The following RHBDF1 variants were observed in gnomAD, a reference collection of about 807,000 sequenced individuals.
RHBDF1 encodes inactive rhomboid protein 1.
RHBDF1 carries 80 observed loss-of-function variants against 98.6 expected under a neutral mutation model. The observed-to-expected ratio is 0.81, with a 90% CI of 0.68 to 0.98. The LOEUF (loss-of-function observed/expected upper bound fraction) is 0.98. Ranked by LOEUF, RHBDF1 falls within the 50% of genes least tolerant of loss-of-function variation. The pLI is 0.00. For missense variants in RHBDF1, 1,116 were observed against 1,198.3 expected, an observed-to-expected ratio of 0.93 and a Z score of 1.01; for synonymous variants, 512 against 486.8, an observed-to-expected ratio of 1.05 and a Z score of -0.68.
rs142110444 is a variant in RHBDF1 at position 62,893 on chromosome 16, C to A, written c.677G>T (p.Arg226Leu). The change falls in exon 6 of 18, where the codon CGC becomes CTC. Residue 226 changes from arginine to leucine, a missense_variant. Transcript: ENST00000262316. ...GCGAAAGGTGCCATCCCTAACGGAG[C>A]GGCCCTGGGGACGGGGAAGTGAGCA... The part of the protein sequence containing the change: ...FRAAAALMKG[R>L]SVRDGTFRRA... 6 of 1,613,606 alleles carry A rather than the reference C, an allele frequency of 3.7e-6. No homozygotes were observed. Among genetic ancestry groups the A allele is most frequent in the Admixed American group, 1.7e-5 (1 of 60,014 alleles).
chr16:70,091 G>C (rs1897933129), intron 1 of RHBDF1, among the ~76,000 whole-genome samples: 1 of 152,196 alleles, frequency 6.6e-6, no homozygotes, highest in Admixed American at 6.5e-5. Flanking sequence ...ACTCAGTTGG[G>C]TCTGACAGGG....
At position 62,060 on chromosome 16, in the gene RHBDF1, G is replaced by C; in HGVS notation, c.954-8C>G. 3 of 1,450,422 alleles carry C rather than the reference G, an allele frequency of 2.1e-6. No individual in the cohort carries two copies. The highest frequency in any genetic ancestry group is 2.7e-6 in the Non-Finnish European group (3 of 1,105,716). 89.8% of individuals were successfully genotyped at this position (1,450,422 alleles called of 1,614,324 possible). A position where few individuals can be genotyped will look rare whatever the true frequency, so the allele number is the denominator to read the frequency against. ...CAGCCTCGCTCCAAGGGCCTGGAGG[G>C]AGCCGGCATTCACCTCCCGCCCCAG... is the stretch of plus-strand genomic sequence containing the variant. On this transcript the variant is annotated splice_polypyrimidine_tract_variant and splice_region_variant and intron_variant, in intron 7 of 17. Transcript: ENST00000262316.
Position 61,399 on chromosome 16 carries a change from T to C in RHBDF1, c.1381A>G (p.Ile461Val). 1.2e-6 allele frequency: 2 copies of C among 1,611,138 alleles called. No homozygotes were observed. Among genetic ancestry groups the C allele is most frequent in the Non-Finnish European group, 1.7e-6 (2 of 1,179,340 alleles). The change falls in exon 10 of 18, where the codon ATC (isoleucine) becomes GTC (valine). Residue 461 changes from isoleucine (I) to valine (V), a missense_variant. By Grantham distance (29) the Ile-to-Val change is conservative. Coordinates refer to ENST00000262316, the MANE Select transcript of RHBDF1 (RefSeq NM_022450.5). ...CCCGTCCTCACCGAGCTGGGCCCGATCCAGAAGTTCTCCTGCTGCACGTAC... is the reference window on the plus strand; with the variant it reads ...CCCGTCCTCACCGAGCTGGGCCCGACCCAGAAGTTCTCCTGCTGCACGTAC... ...VKYVQQENFW[I>V]GPSSEALIHL...
At chr16:65,138 C>A in intron 1 of RHBDF1, 99 bp from the exon 2 acceptor site, 1 of 1,282,932 alleles carries the variant, frequency 7.8e-7, no homozygotes, top group Non-Finnish European at 1.0e-6. Flanking sequence ...ATGAGCCCAA[C>A]CGTGGTGCTC....
At position 59,596 on chromosome 16, in the gene RHBDF1, A is replaced by G. The variant is rs1359556459; in HGVS notation, c.1818-102T>C. The G allele has an allele frequency of 2.7e-6, 4 of 1,475,530 alleles. No homozygotes were observed. The African/African-American group carries it at 5.6e-5, about 20-fold the overall frequency. 91.4% of individuals were successfully genotyped at this position (1,475,530 alleles called of 1,614,324 possible). A position where few individuals can be genotyped will look rare whatever the true frequency, so the allele number is the denominator to read the frequency against. On this transcript the variant is annotated intron_variant, in intron 14 of 17. Coordinates refer to ENST00000262316, the MANE Select transcript of RHBDF1 (RefSeq NM_022450.5). ...GCACCTACCCACCTTTGTTGGCCCC[A>G]AGGAAGTCCAGACCCCCTCTAACCC...
At chr16:74,913 C>T (rs1898056135), upstream of RHBDF1, 1 of 152,058 alleles carries the variant, frequency 6.6e-6, no homozygotes, top group Non-Finnish European at 1.5e-5. Flanking sequence ...CACCCCATCT[C>T]CCTTCCCTGA....
At chr16:60,935 G>A (rs556700717) in intron 11 of RHBDF1, 185 bp downstream of exon 11, 5 of 636,544 alleles carry the variant, frequency 7.9e-6, no homozygotes, top group South Asian at 2.0e-5. Context: ...GATGGTCTAC[G>A]GGGCGAGGAG....
At chr16:73,645 G>A (rs774956399), upstream of RHBDF1, among the ~76,000 whole-genome samples, 13 of 152,322 alleles carry the variant, frequency 8.5e-5, no homozygotes, top group East Asian at 5.8e-4. Context: ...GGTGGCCAAG[G>A]CTTCCTCTGG....
Position 63,728 on chromosome 16 carries a change from A to G in RHBDF1, c.321T>C (p.Arg107=), listed in dbSNP as rs758124355. The G allele has an allele frequency of 1.2e-6, 2 of 1,613,672 alleles. No individual in the cohort carries two copies. The highest frequency in any genetic ancestry group is 1.7e-6 in the Non-Finnish European group (2 of 1,179,952). Residue 107 remains arginine, a synonymous_variant, in exon 4 of 18, where the codon CGT becomes CGC. Transcript: ENST00000262316. ...GCTTCCCGTAGCGCTGGCTGCAGTG[A>G]CGGATGCTCTTGCGCTGCCATTTCT... ...STQKWQRKSI[R]HCSQRYGKLK... is the part of the protein sequence containing the mutation.
rs374246899 is a variant in RHBDF1, at chr16:70,015, G to A, written c.-25+2498C>T. On this transcript the variant is annotated intron_variant, in intron 1 of 17. Coordinates refer to ENST00000262316, the MANE Select transcript of RHBDF1 (RefSeq NM_022450.5). ...AAGGGGCCAGCACTTGGCAGGAGGG[G>A]GGGGGGCACTGCCCCAAGGCTCAGC... Among the ~76,000 whole-genome samples, 6 of 152,118 alleles carry A rather than the reference G, an allele frequency of 3.9e-5. No homozygotes were observed. In the South Asian group the frequency reaches 8.3e-4, roughly 21 times the overall value.
At chr16:75,341 A>AGGTACCCCAGAATCCTCT (rs1898066710), upstream of RHBDF1, among the ~76,000 whole-genome samples, 1 of 152,180 alleles carries the variant, frequency 6.6e-6, no homozygotes, top group Non-Finnish European at 1.5e-5. Flanking sequence ...TGTTCCCAAC[A>AGGTACCCCAGAATCCTCT]GCTACCCCAG....
intron 1 of RHBDF1, among the ~76,000 whole-genome samples, chr16:70,009 GGA>G (rs1491565338): frequency 0.061 from 3,232 of 53,140 alleles, 87 homozygotes; most frequent in Non-Finnish European, 0.11. Flanking sequence ...GCACTTGGCA[GGA>G]GGGGGGGGGG....
At chr16:65,085 G>A in intron 1 of RHBDF1, 46 bp from the exon 2 acceptor site, 3 of 1,479,854 alleles carry the variant, frequency 2.0e-6, no homozygotes, top group Non-Finnish European at 2.7e-6. Context: ...GCTGACATCT[G>A]AAGATTCATT....
At chr16:62,924 C>G in intron 5 of RHBDF1, 27 bp from the exon 6 acceptor site, 2 of 1,613,162 alleles carry the variant, frequency 1.2e-6, no homozygotes, top group Non-Finnish European at 8.5e-7. Flanking sequence ...GAGCATGAGA[C>G]CCGGCTGCTG....
chr16:72,670 C>T, upstream of RHBDF1: 1 of 980,856 alleles, frequency 1.0e-6, no homozygotes, highest in African/African-American at 1.7e-5. Context: ...CGGGCCCGGC[C>T]GGAGCGGGGC....
upstream of RHBDF1, chr16:74,958 A>T (rs192596595): frequency 6.6e-6 from 1 of 152,234 alleles, no homozygotes; most frequent in African/African-American, 2.4e-5. Flanking sequence ...GCCTGCACCC[A>T]GGTGAAATAA....
chr16:58,878 C>T (rs1345412372), intron 17 of RHBDF1, 96 bp downstream of exon 17: 7 of 1,559,916 alleles, frequency 4.5e-6, no homozygotes, highest in African/African-American at 4.1e-5. Flanking sequence ...GAGGATCCAA[C>T]TGGAGATGCT....
chr16:63,918 A>T, intron 3 of RHBDF1, 118 bp from the exon 4 acceptor site: 3 of 912,004 alleles, frequency 3.3e-6, no homozygotes, highest in Non-Finnish European at 3.5e-6. Context: ...TCCAGGGACC[A>T]GGGTCTGAGT....
intron 3 of RHBDF1, 83 bp downstream of exon 3, chr16:64,616 C>G: frequency 6.5e-7 from 1 of 1,546,948 alleles, no homozygotes; most frequent in Non-Finnish European, 8.7e-7. Flanking sequence ...GGCCCTTGTT[C>G]TCATTTCCAT....
Sources: allele counts gnomAD v4.1 joint callset (sites outside exome capture counted in the v4.1 genomes callset), GRCh38; gene constraint gnomAD v4.1.1; transcripts MANE v1.5; gene names NCBI Gene and HGNC (gene_info 2026-07-23, HGNC 2026-07-21).